The following LOC128125817 variants were observed in gnomAD, a reference collection of about 807,000 sequenced individuals.
the LOC128125817 span, among the ~76,000 whole-genome samples, chr1:41,624,139 C>T: frequency 1.3e-5 from 2 of 152,158 alleles, no homozygotes; most frequent in Non-Finnish European, 2.9e-5. Flanking sequence ...TCCACAGCAT[C>T]ACCTCAACTT....
the LOC128125817 span, chr1:41,628,655 A>G: frequency 1.0e-6 from 1 of 955,122 alleles, no homozygotes; most frequent in Non-Finnish European, 1.4e-6. Context: ...AATAACAATA[A>G]TACATTTTTC....
chr1:41,620,792 C>A, the LOC128125817 span, among the ~76,000 whole-genome samples: 1 of 152,210 alleles, frequency 6.6e-6, no homozygotes, highest in Non-Finnish European at 1.5e-5. Flanking sequence ...CAGTCACTCA[C>A]CCTCCACTCC....
At chr1:41,619,745 G>A in the LOC128125817 span, among the ~76,000 whole-genome samples, 3 of 152,254 alleles carry the variant, frequency 2.0e-5, no homozygotes, top group East Asian at 3.9e-4. Flanking sequence ...GAGGCTGTCC[G>A]AATGCTATAT....
chr1:41,601,250 T>C, the LOC128125817 span, among the ~76,000 whole-genome samples: 5 of 152,202 alleles, frequency 3.3e-5, no homozygotes, highest in East Asian at 1.9e-4. Flanking sequence ...TGTGGTTCCA[T>C]ATAAATCACA....
chr1:41,627,420 A>C, the LOC128125817 span, among the ~76,000 whole-genome samples: 3 of 152,152 alleles, frequency 2.0e-5, no homozygotes, highest in Admixed American at 6.5e-5. Context: ...CACAACAAAC[A>C]TCCCCTCTTA....
chr1:41,592,925 G>A, the LOC128125817 span, among the ~76,000 whole-genome samples: 5 of 152,234 alleles, frequency 3.3e-5, no homozygotes, highest in East Asian at 7.7e-4. Flanking sequence ...GCCAGTCTAG[G>A]CCCTGGCCAG....
chr1:41,606,404 A>G, the LOC128125817 span, among the ~76,000 whole-genome samples: 1 of 151,974 alleles, frequency 6.6e-6, no homozygotes, highest in Non-Finnish European at 1.5e-5. Flanking sequence ...CATAACAATT[A>G]CATTCTCATC....
chr1:41,620,985 G>T, the LOC128125817 span, among the ~76,000 whole-genome samples: 1 of 152,152 alleles, frequency 6.6e-6, no homozygotes, highest in Non-Finnish European at 1.5e-5. Context: ...TTCCATAACT[G>T]GTCAGCCCCA....
chr1:41,605,404 C>CACAT, the LOC128125817 span, among the ~76,000 whole-genome samples: 2 of 147,984 alleles, frequency 1.4e-5, no homozygotes, highest in East Asian at 3.9e-4. Context: ...CACACACACA[C>CACAT]ACATACATAT....
At chr1:41,628,642 A>C in the LOC128125817 span, 1 of 873,294 alleles carries the variant, frequency 1.1e-6, no homozygotes, top group Non-Finnish European at 1.5e-6. Context: ...CGATAACACT[A>C]ATAATAACAA....
the LOC128125817 span, among the ~76,000 whole-genome samples, chr1:41,605,387 A>G: frequency 1.3e-5 from 2 of 151,704 alleles, no homozygotes; most frequent in African/African-American, 2.4e-5. Context: ...ACACACACAC[A>G]CACACACACA....
the LOC128125817 span, among the ~76,000 whole-genome samples, chr1:41,615,258 A>G: frequency 6.6e-6 from 1 of 152,234 alleles, no homozygotes; most frequent in Non-Finnish European, 1.5e-5. Flanking sequence ...CAGTCAATTA[A>G]AGAACTTCCA....
the LOC128125817 span, among the ~76,000 whole-genome samples, chr1:41,598,891 C>G: frequency 5.9e-5 from 9 of 151,982 alleles, no homozygotes; most frequent in Non-Finnish European, 1.0e-4. Context: ...TTTCAGCTCA[C>G]TGCAACCTCC....
At chr1:41,608,194 A>C in the LOC128125817 span, among the ~76,000 whole-genome samples, 2 of 152,198 alleles carry the variant, frequency 1.3e-5, no homozygotes, top group African/African-American at 4.8e-5. Context: ...AGTCATGGAA[A>C]GGTTCCCTGC....
the LOC128125817 span, among the ~76,000 whole-genome samples, chr1:41,611,167 C>A: frequency 2.0e-5 from 3 of 152,272 alleles, no homozygotes; most frequent in East Asian, 3.9e-4. Context: ...GAATTATGAG[C>A]AAATGAATGA....
the LOC128125817 span, among the ~76,000 whole-genome samples, chr1:41,604,893 C>T: frequency 6.6e-6 from 1 of 151,900 alleles, no homozygotes; most frequent in Non-Finnish European, 1.5e-5. Flanking sequence ...TGCTTGAGCC[C>T]AGGAATTCGA....
At chr1:41,605,265 T>C in the LOC128125817 span, among the ~76,000 whole-genome samples, 4 of 151,542 alleles carry the variant, frequency 2.6e-5, no homozygotes, top group Non-Finnish European at 5.9e-5. Context: ...TGATTTCTAA[T>C]GGGGCAGGTG....
At chr1:41,611,180 G>A in the LOC128125817 span, among the ~76,000 whole-genome samples, 1 of 152,212 alleles carries the variant, frequency 6.6e-6, no homozygotes, top group Non-Finnish European at 1.5e-5. Context: ...ATGAATGAGT[G>A]AATGGATGAA....
At chr1:41,600,638 T>G in the LOC128125817 span, among the ~76,000 whole-genome samples, 2 of 152,216 alleles carry the variant, frequency 1.3e-5, no homozygotes, top group Non-Finnish European at 2.9e-5. Context: ...CGCAGCAATG[T>G]GACTGCTTAA....
Sources: allele counts gnomAD v4.1 joint callset (sites outside exome capture counted in the v4.1 genomes callset), GRCh38; gene constraint gnomAD v4.1.1; transcripts MANE v1.5.